KRT23: variants seen among roughly 807,000 people sequenced by gnomAD.
KRT23 encodes the protein keratin 23.
In KRT23, 38 loss-of-function variants were observed where a neutral mutation model predicts 47.6. That is an observed-to-expected ratio of 0.80 (90% CI 0.62 to 1.05). The LOEUF (loss-of-function observed/expected upper bound fraction) is 1.05. Ranked by LOEUF, KRT23 falls within the 50% of genes least tolerant of loss-of-function variation. The probability of loss-of-function intolerance (pLI) is 0.00; values close to 1 mark genes in which losing one functional copy is unlikely to be tolerated. For missense variants in KRT23, 503 were observed against 529.5 expected, an observed-to-expected ratio of 0.95 and a Z score of 0.49; for synonymous variants, 191 against 199.0, an observed-to-expected ratio of 0.96 and a Z score of 0.34.
Position 40,928,509 on chromosome 17 carries a change from T to A in KRT23, c.735A>T (p.Arg245Ser), listed in dbSNP as rs2285817. 6.8e-6 allele frequency: 11 copies of A among 1,614,158 alleles called. No individual in the cohort carries two copies. The East Asian group carries it at 2.5e-4, about 36-fold the overall frequency. Reference protein sequence around the residue: ...EDLIKVLEDMRQEYELIIKKK... With the variant: ...EDLIKVLEDMSQEYELIIKKK... Reference sequence around the variant, plus strand: ...TCTTTATTATAAGCTCATATTCTTGTCTCATATCCTCCAGGACCTTAATCA... The same window carrying A: ...TCTTTATTATAAGCTCATATTCTTGACTCATATCCTCCAGGACCTTAATCA... The change falls in exon 5 of 9, where the codon AGA becomes AGT. Residue 245 changes from arginine (R) to serine (S), a missense_variant. Coordinates refer to ENST00000209718, the MANE Select transcript of KRT23 (RefSeq NM_015515.5).
chr17:40,926,084 C>T (rs535022361), intron 6 of KRT23, among the ~76,000 whole-genome samples: 3 of 152,056 alleles, frequency 2.0e-5, no homozygotes, highest in African/African-American at 7.2e-5. Flanking sequence ...TTTGGTAAAT[C>T]TGGCAACCCT....
rs956809188 is a variant in KRT23, at chr17:40,922,716, A to T, written c.*273T>A. 9.7e-6 allele frequency: 3 copies of T among 309,224 alleles called. No homozygotes were observed. The highest frequency in any genetic ancestry group is 6.6e-5 in the African/African-American group (3 of 45,380). The allele number at this position is 309,224 out of a possible 1,614,324, so 19.2% of individuals were successfully genotyped here. Reference sequence around the variant, plus strand: ...CACGATGCAGCTAGTGCGGAGTTTTATTGGCTACAAAATAGATGCAAAATG... The same window carrying T: ...CACGATGCAGCTAGTGCGGAGTTTTTTTGGCTACAAAATAGATGCAAAATG... On this transcript the variant is annotated 3_prime_UTR_variant, in exon 9 of 9. Transcript: ENST00000209718.
Position 40,936,337 on chromosome 17 carries a change from C to A in KRT23, c.267G>T (p.Lys89Asn), listed in dbSNP as rs1910065770. The stretch of plus-strand genomic sequence containing the variant: ...TGTTGGCCTCCTCCAGGGCGCGAAC[C>A]TTCTCCAGGTAGGAGGCCAGGCGGT... ...LNDRLASYLE[K>N]VRALEEANMK... Residue 89 changes from lysine (K) to asparagine (N), a missense_variant, in exon 2 of 9, where the codon AAG becomes AAT. Physicochemically the swap from Lys to Asn is moderately conservative, Grantham distance 94. Coordinates refer to ENST00000209718, the MANE Select transcript of KRT23 (RefSeq NM_015515.5). The A allele has an allele frequency of 6.2e-7, 1 of 1,614,144 alleles. No homozygotes were observed. Among genetic ancestry groups the A allele is most frequent in the Non-Finnish European group, 8.5e-7 (1 of 1,180,058 alleles).
intron 2 of KRT23, among the ~76,000 whole-genome samples, chr17:40,935,062 A>G (rs1168587817): frequency 6.6e-6 from 1 of 151,184 alleles, no homozygotes; most frequent in African/African-American, 2.4e-5. Context: ...CTACAACCAA[A>G]GCAACTTTAT....
rs1910119276 is a variant in KRT23, at chr17:40,936,856, C to T, written c.-253G>A. 5.1e-6 allele frequency: 2 copies of T among 390,486 alleles called. No homozygotes were observed. The highest frequency in any genetic ancestry group is 2.1e-5 in the African/African-American group (1 of 48,452). 24.2% of individuals were successfully genotyped at this position (390,486 alleles called of 1,614,324 possible). On this transcript the variant is annotated 5_prime_UTR_variant, in exon 2 of 9. Coordinates refer to ENST00000209718, the MANE Select transcript of KRT23 (RefSeq NM_015515.5). Reference sequence around the variant, plus strand: ...AATATGACAGTTTGCTTCCTCCCTTCCCCTGGTAACCCGGAGGTGTGGCCC... The same window carrying T: ...AATATGACAGTTTGCTTCCTCCCTTTCCCTGGTAACCCGGAGGTGTGGCCC...
chr17:40,935,706 G>A (rs930192775), intron 2 of KRT23, among the ~76,000 whole-genome samples: 1 of 152,194 alleles, frequency 6.6e-6, no homozygotes, highest in Non-Finnish European at 1.5e-5. Flanking sequence ...CTTCAAAATA[G>A]TGTAACAGCC....
rs1909046228 is a variant in KRT23, at chr17:40,923,407, C to A, written c.1175-324G>T. 3.3e-5 allele frequency among the ~76,000 whole-genome samples: 5 copies of A among 152,358 alleles called. No individual in the cohort carries two copies. The South Asian group carries it at 1.0e-3, about 32-fold the overall frequency. ...TCTGCCTGTGGGCTTTGTAGCACTG[C>A]ACAGATTCCTTGAGCTTACAGAGCA... On this transcript the variant is annotated intron_variant, in intron 8 of 8. Coordinates refer to ENST00000209718, the MANE Select transcript of KRT23 (RefSeq NM_015515.5).
In KRT23 at chr17:40,936,501, G is replaced by T; in HGVS notation, c.103C>A (p.His35Asn). 1 of 1,540,730 alleles carries T rather than the reference G, an allele frequency of 6.5e-7. No homozygotes were observed. Among genetic ancestry groups the T allele is most frequent in the South Asian group, 1.3e-5 (1 of 78,034 alleles). Residue 35 changes from histidine (H) to asparagine (N), a missense_variant, in exon 2 of 9, where the codon CAT becomes AAT. Coordinates refer to ENST00000209718, the MANE Select transcript of KRT23 (RefSeq NM_015515.5). ...PRSFPRAPTV[H>N]GGAGGARISL... ...ATGCGGGCTCCCCCCGCACCGCCAT[G>T]GACGGTGGGAGCCCTGGGGAAGCTC...
At chr17:40,926,067 A>G (rs62068060) in intron 6 of KRT23, among the ~76,000 whole-genome samples, 26,819 of 152,038 alleles carry the variant, frequency 0.18, 2,558 homozygotes, top group South Asian at 0.28. Context: ...AGTATTCTAT[A>G]TTTTAATTTG....
Position 40,928,247 on chromosome 17 carries a change from C to G in KRT23, c.912G>C (p.Gln304His), listed in dbSNP as rs561067179. 45 of 1,614,156 alleles carry G rather than the reference C, an allele frequency of 2.8e-5. 2 individuals carry two copies. In the South Asian group the frequency reaches 4.7e-4, roughly 17 times the overall value. The change falls in exon 6 of 9, where the codon CAG becomes CAC. Residue 304 changes from glutamine to histidine, a missense_variant. Gln to His is a conservative substitution (Grantham distance 24). Coordinates refer to ENST00000209718, the MANE Select transcript of KRT23 (RefSeq NM_015515.5). ...CCTAGCCTTGACTCACCGTGCTGTACTGTGTCTGCAGGTCAATCTCCAGGG... is the reference window on the plus strand; with the variant it reads ...CCTAGCCTTGACTCACCGTGCTGTAGTGTGTCTGCAGGTCAATCTCCAGGG... ...FQALEIDLQTQYSTKSALENM... is the reference protein window; with the variant it reads ...FQALEIDLQTHYSTKSALENM...
At position 40,936,675 on chromosome 17, in the gene KRT23, G is replaced by GA; in HGVS notation, c.-73dup. The GA allele has an allele frequency of 1.4e-6, 2 of 1,408,280 alleles. No homozygotes were observed. The highest frequency in any genetic ancestry group is 3.4e-5 in the South Asian group (2 of 58,132). 87.2% of individuals were successfully genotyped at this position (1,408,280 alleles called of 1,614,324 possible). A position where few individuals can be genotyped will look rare whatever the true frequency, so the allele number is the denominator to read the frequency against. ...GGCACCGCAGAACTGAGCCGCCCCA[G>GA]ACTGCCCTGGATGGTTTTATGGCCT... On this transcript the variant is annotated 5_prime_UTR_variant, in exon 2 of 9. Coordinates refer to ENST00000209718, the MANE Select transcript of KRT23 (RefSeq NM_015515.5).
chr17:40,929,948 G>T lies in KRT23; in HGVS notation c.628C>A (p.His210Asn), dbSNP rs756639109. ...TTCCTGGGGAGTTGTACCTGCTCAT[G>T]GTGCTTCTTCATGAGAATGAGCTCT... is the stretch of plus-strand genomic sequence containing the variant. ...RKELILMKKH[H>N]EQEMEKHHVP... The change falls in exon 4 of 9, where the codon CAT becomes AAT. Residue 210 changes from histidine to asparagine, a missense_variant. By Grantham distance (68) the His-to-Asn change is moderately conservative (BLOSUM62 1). Coordinates refer to ENST00000209718, the MANE Select transcript of KRT23 (RefSeq NM_015515.5). 2 of 1,613,930 alleles carry T rather than the reference G, an allele frequency of 1.2e-6. No individual in the cohort carries two copies.
At chr17:40,925,301 C>G (rs1371723611) in intron 7 of KRT23, 53 bp downstream of exon 7, 2 of 1,474,696 alleles carry the variant, frequency 1.4e-6, no homozygotes, top group Non-Finnish European at 1.9e-6. Context: ...CACATATACC[C>G]ACAGGAGCTG....
At chr17:40,931,141 A>G (rs1001534998) in intron 3 of KRT23, among the ~76,000 whole-genome samples, 1 of 151,044 alleles carries the variant, frequency 6.6e-6, no homozygotes, top group African/African-American at 2.4e-5. Context: ...CCTCCCGAGT[A>G]GCTGGGACTA....
At chr17:40,929,708 T>C in intron 4 of KRT23, 1 of 476,016 alleles carries the variant, frequency 2.1e-6, no homozygotes, top group African/African-American at 1.9e-5. Context: ...ACAAAACTGT[T>C]GACCAATTCA....
rs920811846 is a variant in KRT23, at chr17:40,925,382, G to A, written c.1114C>T (p.Arg372Ter). ...THLEKEITTY[R>*]RLLEGESEGT... is the part of the protein sequence containing the mutation. ...TCACTCTCTCCCTCCAGGAGCCGTCGGTACGTGGTGATTTCCTTCTCCAGG... is the reference window on the plus strand; with the variant it reads ...TCACTCTCTCCCTCCAGGAGCCGTCAGTACGTGGTGATTTCCTTCTCCAGG... The change falls in exon 7 of 9, where the codon CGA (arginine) becomes TGA (stop). Residue 372 changes from arginine (R) to a stop codon, truncating the protein, a stop_gained. Coordinates refer to ENST00000209718, the MANE Select transcript of KRT23 (RefSeq NM_015515.5). LOFTEE classifies it high-confidence loss of function. 14 of 1,613,530 alleles carry A rather than the reference G, an allele frequency of 8.7e-6. No individual in the cohort carries two copies. Among genetic ancestry groups the A allele is most frequent in the Middle Eastern group, 1.7e-4 (1 of 5,736 alleles).
At chr17:40,924,600 C>A in intron 7 of KRT23, 97 bp from the exon 8 acceptor site, 1 of 965,034 alleles carries the variant, frequency 1.0e-6, no homozygotes, top group Non-Finnish European at 1.7e-6. Context: ...CTTGTAAATC[C>A]TCTGCTCTTT....
Position 40,928,439 on chromosome 17 carries a change from CT to C in KRT23, c.798+6del. On this transcript the variant is annotated splice_donor_region_variant and intron_variant, in intron 5 of 8. Transcript: ENST00000209718. ...ACCTTTGGGAAGTTTGTGCATCTTT[CT>C]TTTACCTGTTCTTTATACCAAGTGT... 6.2e-7 allele frequency: 1 copy of C among 1,614,010 alleles called. No individual in the cohort carries two copies. The highest frequency in any genetic ancestry group is 8.5e-7 in the Non-Finnish European group (1 of 1,179,978).
At position 40,922,909 on chromosome 17, in the gene KRT23, G is replaced by T; in HGVS notation, c.*80C>A. 1.0e-6 allele frequency: 1 copy of T among 953,720 alleles called. No homozygotes were observed. The highest frequency in any genetic ancestry group is 1.7e-6 in the Non-Finnish European group (1 of 593,500). 59.1% of individuals were successfully genotyped at this position (953,720 alleles called of 1,614,324 possible). A position where few individuals can be genotyped will look rare whatever the true frequency, so the allele number is the denominator to read the frequency against. On this transcript the variant is annotated 3_prime_UTR_variant, in exon 9 of 9. Transcript: ENST00000209718. ...CTGATAATTCCAAGGGTATCTTTTA[G>T]AACTCACTCACTGGTGTCTGTGCAA...
Sources: gnomAD v4.1 joint callset for allele counts (sites outside exome capture counted in the v4.1 genomes callset) on GRCh38, gnomAD v4.1.1 for gene constraint, MANE v1.5 for transcripts, NCBI Gene and HGNC (gene_info 2026-07-23, HGNC 2026-07-21) for gene names.